The following GABBR2 variants were observed in gnomAD, a reference collection of about 807,000 sequenced individuals.
GABBR2 encodes gamma-aminobutyric acid type B receptor subunit 2, also known as G-protein coupled receptor 51.
Under a neutral mutation model 105.6 loss-of-function variants are expected in GABBR2, and 23 were observed. That is an observed-to-expected ratio of 0.22 (90% CI 0.16 to 0.31). The LOEUF is 0.31. Among genes scored for constraint, GABBR2 ranks in the 10% least tolerant of loss-of-function variants. GABBR2 has a pLI of 1.00. For missense variants in GABBR2, 734 were observed against 1,245.5 expected (o/e 0.59, Z 6.18); for synonymous variants, 478 against 499.7 (o/e 0.96, Z 0.58).
intron 1 of GABBR2, among the ~76,000 whole-genome samples, chr9:98,683,712 A>T (rs1830580124): frequency 6.6e-6 from 1 of 152,088 alleles, no homozygotes; most frequent in African/African-American, 2.4e-5. Context: ...ATGTTCGACA[A>T]CAGAAAATTA....
intron 12 of GABBR2, among the ~76,000 whole-genome samples, chr9:98,363,345 C>G (rs1434460648): frequency 6.6e-6 from 1 of 152,210 alleles, no homozygotes; most frequent in African/African-American, 2.4e-5. Flanking sequence ...TTAATGAACA[C>G]TTACTCTGTG....
intron 1 of GABBR2, among the ~76,000 whole-genome samples, chr9:98,579,509 T>C (rs1240178396): frequency 6.6e-6 from 1 of 152,190 alleles, no homozygotes; most frequent in East Asian, 1.9e-4. Flanking sequence ...CCCTCCACCA[T>C]CTAGCTGTCT....
At chr9:98,614,984 T>C (rs1040574274) in intron 1 of GABBR2, among the ~76,000 whole-genome samples, 2 of 152,212 alleles carry the variant, frequency 1.3e-5, no homozygotes, top group Non-Finnish European at 2.9e-5. Context: ...ACAGCTTCTC[T>C]GTCCTGTAGC....
intron 7 of GABBR2, among the ~76,000 whole-genome samples, chr9:98,430,220 G>A (rs1825779600): frequency 6.6e-6 from 1 of 151,164 alleles, no homozygotes; most frequent in South Asian, 2.1e-4. Context: ...AACCCGGGAG[G>A]TGGAGATTGC....
chr9:98,513,849 C>T (rs368484213), intron 3 of GABBR2, among the ~76,000 whole-genome samples: 9 of 152,100 alleles, frequency 5.9e-5, no homozygotes, highest in Non-Finnish European at 1.3e-4. Flanking sequence ...GTCAGTGCGG[C>T]GATTCCTCAG....
chr9:98,489,607 A>C (rs980979464), intron 4 of GABBR2, among the ~76,000 whole-genome samples: 12 of 151,970 alleles, frequency 7.9e-5, no homozygotes, highest in Non-Finnish European at 1.3e-4. Flanking sequence ...GTGTTTTATT[A>C]TTTAGTCTTT....
rs1407888743 is a variant in GABBR2, at chr9:98,514,404, T to C, written c.631-17890A>G. ...ATGTACCCTAAAACTTAAAGTATAA[T>C]AATAATAATAATAATAATAAAAAAG... is the stretch of plus-strand genomic sequence containing the variant. On this transcript the variant is annotated intron_variant, in intron 3 of 18. Transcript: ENST00000259455. Among the ~76,000 whole-genome samples the C allele has an allele frequency of 7.0e-4, 68 of 97,838 alleles. 4 individuals are homozygous for C. The highest frequency in any genetic ancestry group is 2.2e-3 in the African/African-American group (67 of 30,322). 64.2% of individuals were successfully genotyped at this position (97,838 alleles called of 152,430 possible).
intron 8 of GABBR2, among the ~76,000 whole-genome samples, 188 bp downstream of exon 8, chr9:98,405,893 T>C (rs1172540928): frequency 6.8e-6 from 1 of 147,680 alleles, no homozygotes; most frequent in Non-Finnish European, 1.5e-5. Flanking sequence ...CTGATCATGA[T>C]GCGGCTGAGA....
chr9:98,457,019 T>G (rs1219274071), intron 6 of GABBR2, among the ~76,000 whole-genome samples: 1 of 152,248 alleles, frequency 6.6e-6, no homozygotes, highest in East Asian at 1.9e-4. Context: ...GTATTTTCTT[T>G]GATTTTTTAA....
At chr9:98,300,006 G>A (rs1344615539) in intron 16 of GABBR2, among the ~76,000 whole-genome samples, 7 of 151,890 alleles carry the variant, frequency 4.6e-5, no homozygotes, top group African/African-American at 1.4e-4. Context: ...GGGACTACAC[G>A]TGCATGCTAC....
intron 1 of GABBR2, among the ~76,000 whole-genome samples, chr9:98,649,791 A>G (rs1830079839): frequency 6.6e-6 from 1 of 152,204 alleles, no homozygotes. Flanking sequence ...AAAAATATGT[A>G]CAAACTTTAC....
intron 3 of GABBR2, among the ~76,000 whole-genome samples, chr9:98,499,193 G>C (rs986236349): frequency 6.6e-6 from 1 of 152,270 alleles, no homozygotes; most frequent in East Asian, 1.9e-4. Context: ...CATCAAGGCT[G>C]CAGTAGCTTT....
chr9:98,614,400 T>A lies in GABBR2; in HGVS notation c.322-36328A>T, dbSNP rs545901615. Among the ~76,000 whole-genome samples the A allele has an allele frequency of 1.7e-3, 254 of 152,190 alleles. 2 individuals are homozygous for A. The highest frequency in any genetic ancestry group is 5.4e-3 in the African/African-American group (224 of 41,544). ...TTAGCTGGGCATTGTGGTGCACGCC[T>A]GTAAATCCCAGCTACTTGGGAAGCT... On this transcript the variant is annotated intron_variant, in intron 1 of 18. Coordinates refer to ENST00000259455, the MANE Select transcript of GABBR2 (RefSeq NM_005458.8).
intron 1 of GABBR2, among the ~76,000 whole-genome samples, chr9:98,677,445 ATTT>A (rs996127020): frequency 3.3e-5 from 5 of 151,892 alleles, no homozygotes; most frequent in Non-Finnish European, 7.4e-5. Flanking sequence ...ATTTTTCAGA[ATTT>A]TTTTTCTGGT....
intron 1 of GABBR2, among the ~76,000 whole-genome samples, chr9:98,591,290 T>C (rs750084749): frequency 2.0e-5 from 3 of 152,036 alleles, no homozygotes; most frequent in Non-Finnish European, 4.4e-5. Flanking sequence ...CGGGGCACCT[T>C]GGAGAAGAGG....
chr9:98,380,189 C>A (rs970375613), intron 11 of GABBR2, among the ~76,000 whole-genome samples: 1 of 152,196 alleles, frequency 6.6e-6, no homozygotes, highest in African/African-American at 2.4e-5. Context: ...CTGCCCCTGG[C>A]TGAAAGCTGG....
intron 11 of GABBR2, among the ~76,000 whole-genome samples, chr9:98,374,924 C>G (rs569357459): frequency 6.6e-6 from 1 of 152,300 alleles, no homozygotes; most frequent in Non-Finnish European, 1.5e-5. Context: ...ACTCTCAATG[C>G]TGCATCCCAT....
intron 1 of GABBR2, among the ~76,000 whole-genome samples, chr9:98,690,509 G>C (rs1039897345): frequency 6.6e-6 from 1 of 152,184 alleles, no homozygotes; most frequent in Non-Finnish European, 1.5e-5. Context: ...CAAATGTGTA[G>C]AGAAGGAATA....
At chr9:98,494,170 C>G (rs1022928204) in intron 4 of GABBR2, among the ~76,000 whole-genome samples, 2 of 152,154 alleles carry the variant, frequency 1.3e-5, no homozygotes, top group South Asian at 4.1e-4. Flanking sequence ...GAGCCCTAAG[C>G]CTTCGAGAGA....
Sources: gnomAD v4.1 joint callset for allele counts (sites outside exome capture counted in the v4.1 genomes callset) on GRCh38, gnomAD v4.1.1 for gene constraint, MANE v1.5 for transcripts, NCBI Gene and HGNC (gene_info 2026-07-23, HGNC 2026-07-21) for gene names.